The following ATP8B4 variants were observed in gnomAD, a reference collection of about 807,000 sequenced individuals.
ATP8B4 encodes the protein ATPase phospholipid transporting 8B4 (putative).
Under a neutral mutation model 145.6 loss-of-function variants are expected in ATP8B4, and 133 were observed. The observed-to-expected ratio is 0.91, with a 90% CI of 0.79 to 1.05. The LOEUF (loss-of-function observed/expected upper bound fraction) is 1.05, where lower values mean the gene tolerates loss of function less well. Ranked by LOEUF, ATP8B4 falls within the 50% of genes least tolerant of loss-of-function variation. The probability of loss-of-function intolerance (pLI) is 0.00; values close to 1 mark genes in which losing one functional copy is unlikely to be tolerated. For synonymous variants in ATP8B4, 507 were observed against 492.9 expected (o/e 1.03, Z -0.38); for missense variants, 1,458 against 1,425.2 (o/e 1.02, Z -0.37).
chr15:50,064,261 G>C (rs960036921), intron 3 of ATP8B4, among the ~76,000 whole-genome samples: 4 of 152,088 alleles, frequency 2.6e-5, no homozygotes, highest in African/African-American at 9.7e-5. Flanking sequence ...TTACCTAGAT[G>C]ACACCTGAAC....
At chr15:49,973,774 T>C (rs1159212351) in intron 12 of ATP8B4, among the ~76,000 whole-genome samples, 1 of 152,190 alleles carries the variant, frequency 6.6e-6, no homozygotes, top group African/African-American at 2.4e-5. Flanking sequence ...CAAACTAATT[T>C]CCAAAAACGT....
At chr15:49,940,284 C>T (rs1189389158) in intron 14 of ATP8B4, among the ~76,000 whole-genome samples, 1 of 152,118 alleles carries the variant, frequency 6.6e-6, no homozygotes, top group African/African-American at 2.4e-5. Flanking sequence ...CTTAAGCAAA[C>T]TAATGTAAGA....
chr15:50,058,032 T>G (rs2052732751), intron 3 of ATP8B4, among the ~76,000 whole-genome samples: 1 of 152,176 alleles, frequency 6.6e-6, no homozygotes, highest in Admixed American at 6.5e-5. Context: ...ACCTAGCATA[T>G]GCCTTCTCCA....
chr15:50,173,833 TA>T (rs1228660360), intron 1 of ATP8B4, among the ~76,000 whole-genome samples: 1 of 151,996 alleles, frequency 6.6e-6, no homozygotes, highest in Non-Finnish European at 1.5e-5. Flanking sequence ...GGAAAGGACA[TA>T]ACCAAAAGAA....
At chr15:50,173,090 G>A (rs1443060636) in intron 1 of ATP8B4, among the ~76,000 whole-genome samples, 4 of 146,076 alleles carry the variant, frequency 2.7e-5, no homozygotes, top group South Asian at 2.2e-4. Flanking sequence ...GGCAGCCCCC[G>A]CCCAGCCGCC....
chr15:49,970,748 C>G (rs376451657), intron 13 of ATP8B4, among the ~76,000 whole-genome samples: 1 of 152,270 alleles, frequency 6.6e-6, no homozygotes, highest in East Asian at 1.9e-4. Context: ...CATTGACTTT[C>G]TTCACAGAAT....
chr15:49,867,780 T>C (rs1352899974), intron 25 of ATP8B4, among the ~76,000 whole-genome samples: 1 of 152,076 alleles, frequency 6.6e-6, no homozygotes, highest in Admixed American at 6.6e-5. Context: ...CGTAAGAAGA[T>C]GCAATTAGGT....
intron 3 of ATP8B4, among the ~76,000 whole-genome samples, chr15:50,065,487 T>C (rs1473201540): frequency 1.3e-5 from 2 of 152,198 alleles, no homozygotes; most frequent in African/African-American, 4.8e-5. Context: ...GTGGTTTTTT[T>C]CCGTTAACCT....
intron 14 of ATP8B4, among the ~76,000 whole-genome samples, chr15:49,949,257 G>A (rs2042852035): frequency 6.6e-6 from 1 of 152,112 alleles, no homozygotes; most frequent in Non-Finnish European, 1.5e-5. Context: ...ATTACTTTGG[G>A]CAGTATGGCC....
chr15:50,106,415 C>T (rs78014111), intron 2 of ATP8B4, among the ~76,000 whole-genome samples: 16 of 152,310 alleles, frequency 1.1e-4, no homozygotes, highest in African/African-American at 3.8e-4. Context: ...AACCAAATTA[C>T]TCAACCTAAA....
intron 6 of ATP8B4, among the ~76,000 whole-genome samples, chr15:50,024,968 A>T (rs1036571456): frequency 3.3e-5 from 5 of 152,204 alleles, no homozygotes; most frequent in Non-Finnish European, 7.3e-5. Context: ...GCACAAACAC[A>T]CAATATATGA....
intron 1 of ATP8B4, among the ~76,000 whole-genome samples, chr15:50,159,546 A>G (rs2044484196): frequency 6.6e-6 from 1 of 152,154 alleles, no homozygotes; most frequent in Admixed American, 6.5e-5. Flanking sequence ...CAGTGGTGAA[A>G]GTGGGTATCC....
At chr15:50,073,202 A>T (rs749427099) in intron 3 of ATP8B4, among the ~76,000 whole-genome samples, 23 of 151,396 alleles carry the variant, frequency 1.5e-4, no homozygotes, top group Non-Finnish European at 2.8e-4. Context: ...CGTCATCTAC[A>T]TTAGGTATTT....
chr15:50,161,480 C>A (rs1201430762), intron 1 of ATP8B4, among the ~76,000 whole-genome samples: 2 of 151,920 alleles, frequency 1.3e-5, no homozygotes, highest in Non-Finnish European at 1.5e-5. Context: ...AGGTGATTTT[C>A]TCTAACTGTA....
At chr15:50,134,845 C>T (rs564981302) in intron 1 of ATP8B4, among the ~76,000 whole-genome samples, 4 of 152,256 alleles carry the variant, frequency 2.6e-5, no homozygotes, top group South Asian at 4.1e-4. Context: ...GGAGAGTGAA[C>T]GTGGAACAAA....
chr15:50,087,147 TATATA>T (rs2055224102), intron 2 of ATP8B4, among the ~76,000 whole-genome samples: 1 of 127,438 alleles, frequency 7.8e-6, no homozygotes, highest in African/African-American at 3.1e-5. Context: ...ATATTTATTA[TATATA>T]ATATATAGAT....
At chr15:50,064,525 A>T (rs1157200420) in intron 3 of ATP8B4, among the ~76,000 whole-genome samples, 1 of 152,202 alleles carries the variant, frequency 6.6e-6, no homozygotes, top group Non-Finnish European at 1.5e-5. Context: ...GCACACAGTC[A>T]TGCAATAGAC....
chr15:49,928,089 T>C (rs144558884), intron 16 of ATP8B4, among the ~76,000 whole-genome samples: 31 of 152,254 alleles, frequency 2.0e-4, no homozygotes, highest in African/African-American at 6.0e-4. Context: ...AGAAAACTTA[T>C]CATGTGCCAA....
chr15:49,994,097 T>C (rs2047236499), intron 9 of ATP8B4, among the ~76,000 whole-genome samples: 1 of 152,148 alleles, frequency 6.6e-6, no homozygotes, highest in Admixed American at 6.6e-5. Context: ...GAGGAAAATG[T>C]TTTCAGCCTG....
Sources: allele counts gnomAD v4.1 joint callset (sites outside exome capture counted in the v4.1 genomes callset), GRCh38; gene constraint gnomAD v4.1.1; transcripts MANE v1.5; gene names NCBI Gene and HGNC (gene_info 2026-07-23, HGNC 2026-07-21).